ACAP2: variants seen among roughly 807,000 people sequenced by gnomAD.
ACAP2 encodes arf-GAP with coiled-coil, ANK repeat and PH domain-containing protein 2.
A neutral mutation model predicts 115.8 loss-of-function variants in ACAP2; 39 were observed. That is an observed-to-expected ratio of 0.34 (90% CI 0.26 to 0.44). ACAP2 has a LOEUF of 0.44. Among genes scored for constraint, ACAP2 ranks in the 20% least tolerant of loss-of-function variants. ACAP2 has a pLI of 1.00. For synonymous variants in ACAP2, 289 were observed against 315.8 expected (o/e 0.92, Z 0.90); for missense variants, 662 against 927.6 (o/e 0.71, Z 3.72).
chr3:195,414,077 T>C (rs1713514786), intron 1 of ACAP2, among the ~76,000 whole-genome samples: 1 of 151,998 alleles, frequency 6.6e-6, no homozygotes, highest in African/African-American at 2.4e-5. Context: ...CCACATAATA[T>C]GTCGTTAGAG....
At chr3:195,374,262 C>T (rs769921297) in intron 4 of ACAP2, among the ~76,000 whole-genome samples, 5 of 152,046 alleles carry the variant, frequency 3.3e-5, no homozygotes, top group African/African-American at 4.8e-5. Flanking sequence ...TGGTGGCAAG[C>T]GCCTGTAGTC....
chr3:195,419,929 G>A (rs1420215374), intron 1 of ACAP2, among the ~76,000 whole-genome samples: 1 of 152,146 alleles, frequency 6.6e-6, no homozygotes, highest in African/African-American at 2.4e-5. Context: ...ACATTTTAAA[G>A]TTTGATATGG....
Position 195,381,960 on chromosome 3 carries a change from C to T in ACAP2, c.174G>A (p.Gln58=). Residue 58 remains glutamine, a synonymous_variant, in exon 3 of 23, where the codon CAG becomes CAA. Coordinates refer to ENST00000326793, the MANE Select transcript of ACAP2 (RefSeq NM_012287.6). ...TGKAFCVANK[Q]FMNGIRDLAQ... is the part of the protein sequence containing the mutation. ...CCAGGTCTCGAATCCCATTCATGAA[C>T]TGTTTATTTGCAACACAAAAGGCTT... 6.2e-7 allele frequency: 1 copy of T among 1,612,446 alleles called. No individual in the cohort carries two copies. Among genetic ancestry groups the T allele is most frequent in the South Asian group, 1.1e-5 (1 of 90,828 alleles).
chr3:195,305,009 T>C (rs1202685443), intron 13 of ACAP2, among the ~76,000 whole-genome samples: 1 of 152,180 alleles, frequency 6.6e-6, no homozygotes, highest in Non-Finnish European at 1.5e-5. Context: ...GGGTGGTACC[T>C]AAGCAATGGG....
chr3:195,351,772 T>A (rs1343705846), intron 4 of ACAP2, among the ~76,000 whole-genome samples: 2 of 152,140 alleles, frequency 1.3e-5, no homozygotes, highest in Non-Finnish European at 1.5e-5. Flanking sequence ...CTAAATCCAT[T>A]TTTTTAATGA....
chr3:195,297,427 A>G, intron 15 of ACAP2, 146 bp from the exon 16 acceptor site: 1 of 628,406 alleles, frequency 1.6e-6, no homozygotes, highest in Non-Finnish European at 2.7e-6. Flanking sequence ...GTTTTATGTT[A>G]AAACAAAATG....
At chr3:195,306,699 G>A in intron 12 of ACAP2, 83 bp from the exon 13 acceptor site, 1 of 1,008,182 alleles carries the variant, frequency 9.9e-7, no homozygotes, top group Non-Finnish European at 1.5e-6. Flanking sequence ...TTTCCACTTT[G>A]CTATTTAATA....
In ACAP2 at chr3:195,277,469, A is replaced by C; in HGVS notation, c.*1859T>G. 1 of 152,328 alleles carries C rather than the reference A, an allele frequency of 6.6e-6. No homozygotes were observed. Among genetic ancestry groups the C allele is most frequent in the Non-Finnish European group, 1.5e-5 (1 of 68,020 alleles). The allele number at this position is 152,328 out of a possible 1,614,324, so 9.4% of individuals were successfully genotyped here. ...TTCCTCAGAAGTAATTCACAAATATATTTTTATCCTTATCTAACATACAGT... is the reference window on the plus strand; with the variant it reads ...TTCCTCAGAAGTAATTCACAAATATCTTTTTATCCTTATCTAACATACAGT... On this transcript the variant is annotated 3_prime_UTR_variant, in exon 23 of 23. Coordinates refer to ENST00000326793, the MANE Select transcript of ACAP2 (RefSeq NM_012287.6).
At chr3:195,417,767 C>T (rs1358762204) in intron 1 of ACAP2, among the ~76,000 whole-genome samples, 1 of 151,942 alleles carries the variant, frequency 6.6e-6, no homozygotes, top group African/African-American at 2.4e-5. Context: ...GGGCAACATA[C>T]AGAAACTCCA....
chr3:195,305,215 A>T (rs1728343658), intron 13 of ACAP2, among the ~76,000 whole-genome samples: 1 of 152,226 alleles, frequency 6.6e-6, no homozygotes, highest in Non-Finnish European at 1.5e-5. Flanking sequence ...TTAACTGAGA[A>T]GATTTCCCAG....
At chr3:195,371,052 T>C (rs1560296836) in intron 4 of ACAP2, among the ~76,000 whole-genome samples, 1 of 152,200 alleles carries the variant, frequency 6.6e-6, no homozygotes. Flanking sequence ...TCGAACACTT[T>C]TTTGGTTCCA....
chr3:195,390,368 T>C (rs1259321760), intron 2 of ACAP2, among the ~76,000 whole-genome samples: 2 of 152,208 alleles, frequency 1.3e-5, no homozygotes, highest in East Asian at 3.8e-4. Flanking sequence ...AGGATACTAC[T>C]ATATATTACA....
chr3:195,283,442 C>A (rs1726638658), intron 22 of ACAP2, among the ~76,000 whole-genome samples: 1 of 152,162 alleles, frequency 6.6e-6, no homozygotes, highest in African/African-American at 2.4e-5. Flanking sequence ...GATAAGAGCT[C>A]TTCATTATCA....
At chr3:195,367,032 T>C (rs1327479583) in intron 4 of ACAP2, among the ~76,000 whole-genome samples, 5 of 138,900 alleles carry the variant, frequency 3.6e-5, no homozygotes, top group Non-Finnish European at 7.6e-5. Flanking sequence ...AGTAAAAACT[T>C]ATATGCCCCC....
At position 195,394,917 on chromosome 3, in the gene ACAP2, C is replaced by CTT. The variant is rs57869834; in HGVS notation, c.54-2772_54-2771dup. ...TGGGCCACAGGGCAAGACTCCATCT[C>CTT]TTTTTTTTTTTTTTTTTTAAAGTAG... On this transcript the variant is annotated intron_variant, in intron 1 of 22. Coordinates refer to ENST00000326793, the MANE Select transcript of ACAP2 (RefSeq NM_012287.6). 4.1e-3 allele frequency among the ~76,000 whole-genome samples: 551 copies of CTT among 134,178 alleles called. 17 individuals are homozygous for CTT. The highest frequency in any genetic ancestry group is 0.013 in the African/African-American group (458 of 35,612). The allele number at this position is 134,178 out of a possible 152,430, so 88.0% of individuals were successfully genotyped here.
At chr3:195,393,294 G>A (rs1489336283) in intron 1 of ACAP2, among the ~76,000 whole-genome samples, 2 of 152,162 alleles carry the variant, frequency 1.3e-5, no homozygotes, top group African/African-American at 4.8e-5. Context: ...TCCAGCCTAG[G>A]TGCCACTGTC....
intron 22 of ACAP2, 103 bp from the exon 23 acceptor site, chr3:195,279,531 A>G (rs549540059): frequency 1.4e-6 from 1 of 693,160 alleles, no homozygotes. Context: ...TTACATTAAA[A>G]TTTTGTTCAG....
At chr3:195,388,283 A>G (rs1224541355) in intron 2 of ACAP2, among the ~76,000 whole-genome samples, 2 of 152,220 alleles carry the variant, frequency 1.3e-5, no homozygotes, top group African/African-American at 4.8e-5. Context: ...CTGAGATTTA[A>G]AGAGTATCTG....
chr3:195,391,109 C>T (rs1734641448), intron 2 of ACAP2, among the ~76,000 whole-genome samples: 1 of 151,912 alleles, frequency 6.6e-6, no homozygotes, highest in South Asian at 2.1e-4. Flanking sequence ...ATTGTATTTA[C>T]ATTTGAACGT....
Sources: gnomAD v4.1 joint callset for allele counts (sites outside exome capture counted in the v4.1 genomes callset) on GRCh38, gnomAD v4.1.1 for gene constraint, MANE v1.5 for transcripts, NCBI Gene and HGNC (gene_info 2026-07-23, HGNC 2026-07-21) for gene names.